ANO10: variants seen among roughly 807,000 people sequenced by gnomAD.
ANO10 encodes anoctamin 10.
Under a neutral mutation model 74.7 loss-of-function variants are expected in ANO10, and 77 were observed. That is an observed-to-expected ratio of 1.03 (90% CI 0.86 to 1.25). The LOEUF (loss-of-function observed/expected upper bound fraction) is 1.25. ANO10 is among the 50% of genes most tolerant of loss of function. The pLI, the probability that ANO10 is intolerant of heterozygous loss-of-function variation, is 0.00. For missense variants in ANO10, 721 were observed against 778.1 expected, an observed-to-expected ratio of 0.93 and a Z score of 0.87; for synonymous variants, 279 against 284.9, an observed-to-expected ratio of 0.98 and a Z score of 0.21.
intron 11 of ANO10, among the ~76,000 whole-genome samples, chr3:43,492,618 T>C (rs530896768): frequency 6.6e-6 from 1 of 152,260 alleles, no homozygotes; most frequent in South Asian, 2.1e-4. Flanking sequence ...CATCAAAAAA[T>C]GGGCAAAGGA....
intron 12 of ANO10, among the ~76,000 whole-genome samples, chr3:43,422,264 G>A (rs13097209): frequency 0.18 from 28,060 of 151,754 alleles, 3,111 homozygotes; most frequent in Middle Eastern, 0.36. Flanking sequence ...TTACAGGTGC[G>A]TGCCACCATG....
At chr3:43,507,316 C>G (rs1232694318) in intron 11 of ANO10, among the ~76,000 whole-genome samples, 2 of 152,006 alleles carry the variant, frequency 1.3e-5, no homozygotes, top group Admixed American at 6.5e-5. Context: ...TTCCCCTTCC[C>G]CTTCTTTACA....
chr3:43,461,936 T>C (rs1484928704), intron 11 of ANO10, among the ~76,000 whole-genome samples: 2 of 152,126 alleles, frequency 1.3e-5, no homozygotes, highest in African/African-American at 4.8e-5. Flanking sequence ...GTGGGAAAGT[T>C]TGGAACTTCC....
intron 12 of ANO10, among the ~76,000 whole-genome samples, chr3:43,412,759 A>G (rs1367123965): frequency 6.6e-6 from 1 of 152,150 alleles, no homozygotes; most frequent in Non-Finnish European, 1.5e-5. Flanking sequence ...AGATAAAACA[A>G]TCTCGATGTG....
intron 1 of ANO10, among the ~76,000 whole-genome samples, chr3:43,611,800 C>G (rs1399268721): frequency 6.6e-6 from 1 of 152,096 alleles, no homozygotes; most frequent in Non-Finnish European, 1.5e-5. Context: ...GTTTCCAGCT[C>G]TAACCAGCAA....
chr3:43,577,287 T>G, intron 5 of ANO10, 26 bp from the exon 6 acceptor site: 1 of 1,598,572 alleles, frequency 6.3e-7, no homozygotes, highest in Non-Finnish European at 8.6e-7. Context: ...AGAAAGAACA[T>G]AAGTATAGAC....
At chr3:43,664,186 T>C (rs1010610975) in intron 1 of ANO10, among the ~76,000 whole-genome samples, 9 of 152,076 alleles carry the variant, frequency 5.9e-5, no homozygotes, top group Non-Finnish European at 1.2e-4. Flanking sequence ...AACAGATATA[T>C]AGACCAGTAG....
chr3:43,629,008 C>G (rs2083520111), intron 1 of ANO10, among the ~76,000 whole-genome samples: 1 of 152,146 alleles, frequency 6.6e-6, no homozygotes, highest in African/African-American at 2.4e-5. Flanking sequence ...CTCTGTGACC[C>G]ACACCTATTC....
intron 12 of ANO10, among the ~76,000 whole-genome samples, chr3:43,409,077 C>A (rs1031434600): frequency 1.3e-5 from 2 of 152,036 alleles, no homozygotes; most frequent in African/African-American, 4.8e-5. Context: ...GTCATGACAT[C>A]TGTGCAACAC....
chr3:43,669,892 A>G (rs1316337122), intron 1 of ANO10, among the ~76,000 whole-genome samples: 1 of 151,832 alleles, frequency 6.6e-6, no homozygotes, highest in Non-Finnish European at 1.5e-5. Context: ...CGCCTGGCTA[A>G]TTTTTGTATT....
At chr3:43,470,439 C>T (rs764764602) in intron 11 of ANO10, among the ~76,000 whole-genome samples, 25 of 151,826 alleles carry the variant, frequency 1.6e-4, no homozygotes, top group Non-Finnish European at 2.7e-4. Context: ...CTGCAAGCTC[C>T]GCCTCCGGGG....
intron 1 of ANO10, among the ~76,000 whole-genome samples, chr3:43,655,166 A>G (rs894627400): frequency 1.4e-4 from 22 of 152,198 alleles, no homozygotes; most frequent in African/African-American, 4.8e-4. Context: ...AGGGCCTTTC[A>G]CTCTTTACAG....
At chr3:43,512,659 T>C (rs569875076) in intron 11 of ANO10, among the ~76,000 whole-genome samples, 1 of 152,272 alleles carries the variant, frequency 6.6e-6, no homozygotes, top group South Asian at 2.1e-4. Flanking sequence ...CCTTAGCAAC[T>C]ATAAAGATGA....
intron 8 of ANO10, 98 bp downstream of exon 8, chr3:43,565,550 GATTTT>G (rs1439194117): frequency 2.9e-5 from 28 of 963,200 alleles, no homozygotes; most frequent in Non-Finnish European, 4.0e-5. Flanking sequence ...AAATTTAAAA[GATTTT>G]ATTTGTAAAA....
intron 7 of ANO10, among the ~76,000 whole-genome samples, chr3:43,570,170 A>G (rs1195493447): frequency 3.0e-5 from 4 of 135,438 alleles, no homozygotes; most frequent in African/African-American, 1.1e-4. Flanking sequence ...ACCACTGCTC[A>G]AGGAAATAAA....
chr3:43,590,385 AAC>A (rs2081675560), intron 4 of ANO10, among the ~76,000 whole-genome samples: 1 of 152,236 alleles, frequency 6.6e-6, no homozygotes, highest in Non-Finnish European at 1.5e-5. Flanking sequence ...CACAATTCTG[AAC>A]ACAAAAGAGT....
intron 1 of ANO10, among the ~76,000 whole-genome samples, chr3:43,672,544 C>A (rs1201082385): frequency 1.3e-5 from 2 of 151,918 alleles, no homozygotes; most frequent in African/African-American, 2.4e-5. Flanking sequence ...AATTAAAAAA[C>A]AAACAAACAA....
At chr3:43,668,590 A>C (rs2084019975) in intron 1 of ANO10, among the ~76,000 whole-genome samples, 1 of 151,868 alleles carries the variant, frequency 6.6e-6, no homozygotes, top group Non-Finnish European at 1.5e-5. Flanking sequence ...ATCCATCTTG[A>C]GTTGATTTTT....
chr3:43,382,968 C>T (rs1370889822), intron 12 of ANO10, among the ~76,000 whole-genome samples: 1 of 152,144 alleles, frequency 6.6e-6, no homozygotes, highest in African/African-American at 2.4e-5. Context: ...GGTAACAATC[C>T]TATTGACATT....
Sources: gnomAD v4.1 joint callset for allele counts (sites outside exome capture counted in the v4.1 genomes callset) on GRCh38, gnomAD v4.1.1 for gene constraint, MANE v1.5 for transcripts, NCBI Gene and HGNC (gene_info 2026-07-23, HGNC 2026-07-21) for gene names.